TBC1D22A: variants seen among roughly 807,000 people sequenced by gnomAD.
The protein encoded by TBC1D22A is TBC1 domain family member 22A, also known as putative GTPase activator.
TBC1D22A carries 38 observed loss-of-function variants against 60.2 expected under a neutral mutation model. That is an observed-to-expected ratio of 0.63 (90% CI 0.49 to 0.83). The LOEUF is 0.83. Among genes scored for constraint, TBC1D22A ranks in the 40% least tolerant of loss-of-function variants. TBC1D22A has a pLI of 0.00. For missense variants in TBC1D22A, 628 were observed against 701.0 expected (o/e 0.90, Z 1.18); for synonymous variants, 302 against 281.7 (o/e 1.07, Z -0.72).
chr22:47,040,181 G>A (rs1428263397), intron 11 of TBC1D22A, among the ~76,000 whole-genome samples: 1 of 152,038 alleles, frequency 6.6e-6, no homozygotes, highest in African/African-American at 2.4e-5. Context: ...TCCTGACCTT[G>A]TGATCCACCT....
intron 12 of TBC1D22A, among the ~76,000 whole-genome samples, chr22:47,152,721 G>A (rs527986057): frequency 2.0e-4 from 30 of 152,218 alleles, no homozygotes; most frequent in Non-Finnish European, 3.2e-4. Flanking sequence ...GATGAGAAAG[G>A]TGGCGTTTTC....
chr22:47,102,213 G>T (rs1410145486), intron 11 of TBC1D22A, among the ~76,000 whole-genome samples: 1 of 152,198 alleles, frequency 6.6e-6, no homozygotes, highest in Non-Finnish European at 1.5e-5. Flanking sequence ...GGAGAACGGG[G>T]AGATCTTGAT....
At chr22:47,002,398 C>T (rs113618661) in intron 10 of TBC1D22A, among the ~76,000 whole-genome samples, 2,042 of 152,298 alleles carry the variant, frequency 0.013, 21 homozygotes, top group Middle Eastern at 0.031. Flanking sequence ...AGTCAGAGCC[C>T]CTCTGTGTGA....
At chr22:46,906,576 G>A (rs910041095) in intron 7 of TBC1D22A, among the ~76,000 whole-genome samples, 2 of 152,150 alleles carry the variant, frequency 1.3e-5, no homozygotes, top group African/African-American at 4.8e-5. Flanking sequence ...CATCTGGCAG[G>A]GCCTCTCCAT....
At chr22:46,794,870 AC>A (rs1371645878) in intron 3 of TBC1D22A, among the ~76,000 whole-genome samples, 13 of 151,936 alleles carry the variant, frequency 8.6e-5, no homozygotes, top group African/African-American at 3.1e-4. Flanking sequence ...CCTCATAGGT[AC>A]CTCCCTCCAA....
intron 11 of TBC1D22A, among the ~76,000 whole-genome samples, chr22:47,070,379 T>G (rs570478330): frequency 4.8e-4 from 70 of 145,760 alleles, no homozygotes; most frequent in African/African-American, 1.8e-3. Context: ...TGTTCCCTGT[T>G]GTTTGGTTGG....
chr22:46,809,072 A>C (rs751118356), intron 4 of TBC1D22A, among the ~76,000 whole-genome samples: 1 of 152,258 alleles, frequency 6.6e-6, no homozygotes, highest in Non-Finnish European at 1.5e-5. Context: ...CTGGGCTGCC[A>C]TAAGAAAATA....
At chr22:46,780,372 T>C (rs200762650) in intron 1 of TBC1D22A, among the ~76,000 whole-genome samples, 1 of 152,226 alleles carries the variant, frequency 6.6e-6, no homozygotes, top group East Asian at 1.9e-4. Flanking sequence ...TTCCATACTT[T>C]TATTTTCTTT....
chr22:46,771,136 T>C (rs1372765660), intron 1 of TBC1D22A, among the ~76,000 whole-genome samples: 1 of 152,212 alleles, frequency 6.6e-6, no homozygotes, highest in Non-Finnish European at 1.5e-5. Flanking sequence ...ATCTGGACTC[T>C]GGGTTAATTT....
intron 8 of TBC1D22A, among the ~76,000 whole-genome samples, chr22:46,956,577 C>T (rs2073204791): frequency 6.6e-6 from 1 of 152,190 alleles, no homozygotes; most frequent in Admixed American, 6.5e-5. Flanking sequence ...CAGGGGTCAA[C>T]CTGGTCAGCT....
chr22:47,118,141 A>G (rs181333542), intron 12 of TBC1D22A, among the ~76,000 whole-genome samples: 1 of 152,172 alleles, frequency 6.6e-6, no homozygotes, highest in African/African-American at 2.4e-5. Context: ...TACATAAAAA[A>G]TAAGGTGGAT....
intron 9 of TBC1D22A, among the ~76,000 whole-genome samples, chr22:46,995,497 C>T (rs922814899): frequency 2.0e-5 from 3 of 151,024 alleles, no homozygotes; most frequent in South Asian, 4.2e-4. Context: ...GTGTGCTCTG[C>T]GTGTGTGCAC....
intron 11 of TBC1D22A, among the ~76,000 whole-genome samples, chr22:47,064,176 C>T (rs943081154): frequency 1.5e-4 from 23 of 152,336 alleles, no homozygotes; most frequent in African/African-American, 5.1e-4. Flanking sequence ...GATGCGTTGC[C>T]GTTGCCGGGG....
chr22:47,036,121 G>T (rs1215882074), intron 10 of TBC1D22A, among the ~76,000 whole-genome samples: 1 of 152,190 alleles, frequency 6.6e-6, no homozygotes, highest in Non-Finnish European at 1.5e-5. Context: ...TGGAAGCAGG[G>T]TAAGGAAGTG....
intron 4 of TBC1D22A, among the ~76,000 whole-genome samples, chr22:46,845,586 G>A (rs2086954051): frequency 6.6e-6 from 1 of 152,150 alleles, no homozygotes; most frequent in South Asian, 2.1e-4. Flanking sequence ...AATCATTCAA[G>A]GAATTTATGT....
At chr22:46,812,238 C>G (rs1025608860) in intron 4 of TBC1D22A, among the ~76,000 whole-genome samples, 1 of 152,192 alleles carries the variant, frequency 6.6e-6, no homozygotes, top group Non-Finnish European at 1.5e-5. Context: ...CTCCCTCATG[C>G]CGTTTCTGGG....
Position 46,996,287 on chromosome 22 carries a change from C to A in TBC1D22A, c.1126-1347C>A, listed in dbSNP as rs2075119309. 2.0e-5 allele frequency among the ~76,000 whole-genome samples: 3 copies of A among 152,230 alleles called. No homozygotes were observed. In the South Asian group the frequency reaches 6.2e-4, roughly 31 times the overall value. ...TGCCTGGCTTCCCCTAGCTGAGACT[C>A]ATGGGGCCATCCCCAGTGTCACTCC... On this transcript the variant is annotated intron_variant, in intron 9 of 12. Transcript: ENST00000337137.
chr22:46,762,760 C>A lies in TBC1D22A; in HGVS notation c.-27C>A, dbSNP rs2083142357. On this transcript the variant is annotated 5_prime_UTR_variant, in exon 1 of 13. Coordinates refer to ENST00000337137, the MANE Select transcript of TBC1D22A (RefSeq NM_014346.5). ...CCGGGTGCACTCGGGGTGTCTGGGC[C>A]GCGGGTCTGAGGGATGAGGAGGGGC... 1.4e-6 allele frequency: 2 copies of A among 1,418,574 alleles called. No individual in the cohort carries two copies. Among genetic ancestry groups the A allele is most frequent in the South Asian group, 3.2e-5 (2 of 63,304 alleles). 87.9% of individuals were successfully genotyped at this position (1,418,574 alleles called of 1,614,324 possible).
At chr22:47,156,925 A>G (rs1279364006) in intron 12 of TBC1D22A, among the ~76,000 whole-genome samples, 1 of 152,198 alleles carries the variant, frequency 6.6e-6, no homozygotes, top group Non-Finnish European at 1.5e-5. Context: ...CTTCAGTCCC[A>G]TGAACCTTGG....
Sources: allele counts gnomAD v4.1 joint callset (sites outside exome capture counted in the v4.1 genomes callset), GRCh38; gene constraint gnomAD v4.1.1; transcripts MANE v1.5; gene names NCBI Gene and HGNC (gene_info 2026-07-23, HGNC 2026-07-21).